MINDY4: variants seen among roughly 807,000 people sequenced by gnomAD.
MINDY4 encodes the protein MINDY lysine 48 deubiquitinase 4, also known as probable ubiquitin carboxyl-terminal hydrolase MINDY-4.
A neutral mutation model predicts 87.0 loss-of-function variants in MINDY4; 68 were observed. The observed-to-expected ratio is 0.78, with a 90% CI of 0.64 to 0.96. MINDY4 has a LOEUF of 0.96. Ranked by LOEUF, MINDY4 falls within the 40% of genes least tolerant of loss-of-function variation. MINDY4 has a pLI of 0.00. For missense variants in MINDY4, 919 were observed against 928.2 expected (o/e 0.99, Z 0.13); for synonymous variants, 379 against 363.2 (o/e 1.04, Z -0.50).
chr7:30,824,634 C>T (rs1033352758), intron 5 of MINDY4, among the ~76,000 whole-genome samples: 1 of 152,064 alleles, frequency 6.6e-6, no homozygotes, highest in Non-Finnish European at 1.5e-5. Flanking sequence ...TAGTGGCTTG[C>T]GTGATCATAG....
At chr7:30,828,648 C>T (rs1159684899) in intron 5 of MINDY4, 31 bp from the exon 6 acceptor site, 2 of 1,609,566 alleles carry the variant, frequency 1.2e-6, no homozygotes, top group Non-Finnish European at 1.7e-6. Flanking sequence ...TGTCAGTCTC[C>T]TCTGGTACAT....
chr7:30,785,097 C>T (rs1331049525), intron 3 of MINDY4, among the ~76,000 whole-genome samples: 3 of 148,538 alleles, frequency 2.0e-5, no homozygotes, highest in African/African-American at 7.4e-5. Context: ...TTAATTGATC[C>T]ACACTTTATT....
intron 9 of MINDY4, 138 bp from the exon 10 acceptor site, chr7:30,850,316 G>C: frequency 1.3e-6 from 1 of 746,414 alleles, no homozygotes; most frequent in South Asian, 1.7e-5. Context: ...GGGCTCCTGG[G>C]CTGCAGGTGG....
intron 5 of MINDY4, among the ~76,000 whole-genome samples, chr7:30,808,097 C>T (rs1162696418): frequency 4.6e-5 from 7 of 152,146 alleles, no homozygotes; most frequent in Admixed American, 1.3e-4. Flanking sequence ...CCAGCTTGAG[C>T]GACGCAGATC....
At chr7:30,839,351 G>T in intron 8 of MINDY4, 35 bp downstream of exon 8, 1 of 1,400,884 alleles carries the variant, frequency 7.1e-7, no homozygotes, top group Non-Finnish European at 9.9e-7. Flanking sequence ...GGACCTTTCT[G>T]CTGGGCCATC....
rs1790519303 is a variant in MINDY4 at position 30,883,005 on chromosome 7, C to T, written c.2225+12C>T. 6.2e-7 allele frequency: 1 copy of T among 1,613,374 alleles called. No individual in the cohort carries two copies. The highest frequency in any genetic ancestry group is 8.5e-7 in the Non-Finnish European group (1 of 1,179,504). On this transcript the variant is annotated intron_variant, in intron 17 of 17. Transcript: ENST00000265299. ...TGCATCAGAACCAAGTGAGTCAAGC[C>T]CCTCTCTGGCTTTGAGCCTCACCCT...
chr7:30,860,527 G>A (rs989947043), intron 13 of MINDY4, among the ~76,000 whole-genome samples: 3 of 152,142 alleles, frequency 2.0e-5, no homozygotes, highest in Admixed American at 1.3e-4. Flanking sequence ...TCATTTCTGG[G>A]CTGACGGGTT....
chr7:30,794,103 A>G (rs892404937), intron 5 of MINDY4, among the ~76,000 whole-genome samples: 1 of 152,108 alleles, frequency 6.6e-6, no homozygotes, highest in Non-Finnish European at 1.5e-5. Flanking sequence ...GTCTTTGTGT[A>G]GTGCACATAC....
At chr7:30,884,857 TGA>T (rs148764089) in intron 17 of MINDY4, among the ~76,000 whole-genome samples, 5,585 of 152,122 alleles carry the variant, frequency 0.037, 323 homozygotes, top group African/African-American at 0.13. Flanking sequence ...CCATGCAGAG[TGA>T]GAGTCTTAGT....
intron 5 of MINDY4, among the ~76,000 whole-genome samples, chr7:30,800,060 T>G (rs886465521): frequency 6.6e-6 from 1 of 152,136 alleles, no homozygotes; most frequent in African/African-American, 2.4e-5. Context: ...CAAAGGACGA[T>G]TCTCCAGAAA....
chr7:30,791,490 A>G lies in MINDY4; in HGVS notation c.989A>G (p.Tyr330Cys), dbSNP rs772615564. Residue 330 changes from tyrosine to cysteine, a missense_variant, in exon 5 of 18, where the codon TAC (tyrosine) becomes TGC (cysteine). Coordinates refer to ENST00000265299, the MANE Select transcript of MINDY4 (RefSeq NM_032222.3). ...TDTDRMPLKL[Y>C]LPGGNSRMTQ... Reference sequence around the variant, plus strand: ...ACGGACAGGATGCCCTTGAAGCTCTACTTGCCTGGTGGTAATTCCAGGATG... The same window carrying G: ...ACGGACAGGATGCCCTTGAAGCTCTGCTTGCCTGGTGGTAATTCCAGGATG... 31 of 1,613,866 alleles carry G rather than the reference A, an allele frequency of 1.9e-5. No individual in the cohort carries two copies. Among genetic ancestry groups the G allele is most frequent in the Admixed American group, 1.8e-4 (11 of 60,000 alleles).
chr7:30,858,648 T>TA lies in MINDY4; in HGVS notation c.1678-604dup, dbSNP rs141537215. 5.2e-3 allele frequency: 656 copies of TA among 125,852 alleles called. 5 individuals are homozygous for TA. The highest frequency in any genetic ancestry group is 0.028 in the African/African-American group (633 of 22,670). 7.8% of individuals were successfully genotyped at this position (125,852 alleles called of 1,614,324 possible). On this transcript the variant is annotated intron_variant, in intron 12 of 17. Coordinates refer to ENST00000265299, the MANE Select transcript of MINDY4 (RefSeq NM_032222.3). ...ACAAAATACCAAAATGTTGATGTTT[T>TA]AAAAATATATATATATATATATAAA...
At chr7:30,782,636 A>G (rs1304929811) in intron 3 of MINDY4, among the ~76,000 whole-genome samples, 1 of 152,100 alleles carries the variant, frequency 6.6e-6, no homozygotes, top group Non-Finnish European at 1.5e-5. Context: ...CCAGGAGTTC[A>G]AGGCTGCAGT....
At position 30,791,222 on chromosome 7, in the gene MINDY4, C is replaced by A; in HGVS notation, c.721C>A (p.Pro241Thr). 6.2e-6 allele frequency: 10 copies of A among 1,614,154 alleles called. No individual in the cohort carries two copies. Among genetic ancestry groups the A allele is most frequent in the Non-Finnish European group, 7.6e-6 (9 of 1,180,032 alleles). Residue 241 changes from proline (P) to threonine (T), a missense_variant, in exon 5 of 18, where the codon CCC becomes ACC. Pro to Thr is a conservative substitution (Grantham distance 38). Coordinates refer to ENST00000265299, the MANE Select transcript of MINDY4 (RefSeq NM_032222.3). ...CTCACCGTCAAGCAGCTCCACCCAACCCCAAGAAGAGAGCCGGAAGGTCCC... is the reference window on the plus strand; with the variant it reads ...CTCACCGTCAAGCAGCTCCACCCAAACCCAAGAAGAGAGCCGGAAGGTCCC... Reference protein sequence around the residue: ...RSSPSSSSTQPQEESRKVPEL... With the variant: ...RSSPSSSSTQTQEESRKVPEL...
At chr7:30,799,004 A>G (rs1787574209) in intron 5 of MINDY4, among the ~76,000 whole-genome samples, 1 of 152,158 alleles carries the variant, frequency 6.6e-6, no homozygotes, top group Admixed American at 6.5e-5. Context: ...ACTAGAGCCC[A>G]AGTTAGTAGG....
intron 4 of MINDY4, 47 bp downstream of exon 4, chr7:30,786,039 C>A: frequency 1.2e-6 from 2 of 1,605,516 alleles, no homozygotes; most frequent in Non-Finnish European, 1.7e-6. Context: ...AGGCTGAGAA[C>A]TGGGCTGGGC....
intron 13 of MINDY4, among the ~76,000 whole-genome samples, chr7:30,862,905 A>G (rs1219375645): frequency 6.6e-6 from 1 of 152,146 alleles, no homozygotes; most frequent in Non-Finnish European, 1.5e-5. Context: ...TACCCAAATA[A>G]GCTTTATTTT....
At chr7:30,842,022 C>T (rs2128567774) in intron 9 of MINDY4, among the ~76,000 whole-genome samples, 1 of 152,312 alleles carries the variant, frequency 6.6e-6, no homozygotes, top group South Asian at 2.1e-4. Flanking sequence ...AAGCTTGGTA[C>T]TCCAATGAAA....
At chr7:30,780,150 CCT>C (rs896510556) in intron 2 of MINDY4, 1 of 152,158 alleles carries the variant, frequency 6.6e-6, no homozygotes, top group African/African-American at 2.4e-5. Flanking sequence ...CATGCAGGCA[CCT>C]CTGTCTCCTG....
Sources: gnomAD v4.1 joint callset for allele counts (sites outside exome capture counted in the v4.1 genomes callset) on GRCh38, gnomAD v4.1.1 for gene constraint, MANE v1.5 for transcripts, NCBI Gene and HGNC (gene_info 2026-07-23, HGNC 2026-07-21) for gene names.